The following DPEP2 variants were observed in gnomAD, a reference collection of about 807,000 sequenced individuals.
DPEP2 encodes the protein dipeptidase 2.
In DPEP2, 45 loss-of-function variants were observed where a neutral mutation model predicts 51.8. That is an observed-to-expected ratio of 0.87 (90% confidence interval 0.68 to 1.11). The LOEUF (loss-of-function observed/expected upper bound fraction) is 1.11. Ranked by LOEUF, DPEP2 falls within the 50% of genes most tolerant of loss-of-function variation. DPEP2 has a pLI of 0.00. For synonymous variants in DPEP2, 255 were observed against 262.7 expected (o/e 0.97, Z 0.28); for missense variants, 604 against 631.9 (o/e 0.96, Z 0.47).
intron 7 of DPEP2, among the ~76,000 whole-genome samples, 182 bp from the exon 8 acceptor site, chr16:67,990,313 GC>G (rs1468780327): frequency 6.6e-6 from 1 of 152,154 alleles, no homozygotes; most frequent in African/African-American, 2.4e-5. Context: ...AGGTGTCTTG[GC>G]ACTTGCTTTG....
In DPEP2 at chr16:67,987,715, G is replaced by T; in HGVS notation, c.1252C>A (p.Pro418Thr). ...CAGGAACTGCTCAGCTGCTCATCCG[G>T]GAACTTGTCCTCCAAGGGGCTTTGC... ...KWQSPLEDKFPDEQLSSSCHS... is the reference protein window; with the variant it reads ...KWQSPLEDKFTDEQLSSSCHS... The change falls in exon 11 of 11, where the codon CCG becomes ACG. Residue 418 changes from proline to threonine, a missense_variant. Coordinates refer to ENST00000393847, the MANE Select transcript of DPEP2 (RefSeq NM_022355.4). 2 of 1,614,128 alleles carry T rather than the reference G, an allele frequency of 1.2e-6. No individual in the cohort carries two copies. The highest frequency in any genetic ancestry group is 1.7e-6 in the Non-Finnish European group (2 of 1,179,970).
intron 1 of DPEP2, among the ~76,000 whole-genome samples, chr16:67,996,202 AT>A (rs562548091): frequency 0.25 from 32,301 of 130,700 alleles, 3,796 homozygotes; most frequent in African/African-American, 0.34. Context: ...ACACTCGGCT[AT>A]TTTTTTTTTT....
chr16:67,991,185 C>T lies in DPEP2; in HGVS notation c.663-1G>A, dbSNP rs774972399. On this transcript the variant is annotated splice_acceptor_variant, in intron 5 of 10. Transcript: ENST00000393847. LOFTEE classifies it high-confidence loss of function. This position sits in a 1 kb window ranked among gnomAD's most constrained non-coding sequence, Gnocchi z 5.1. ...GACGCCCTTAGCGGAGCTCTCTGCCCTGCAGGGTGGCCAGGAAGCAGTCTG... is the reference window on the plus strand; with the variant it reads ...GACGCCCTTAGCGGAGCTCTCTGCCTTGCAGGGTGGCCAGGAAGCAGTCTG... The T allele has an allele frequency of 4.3e-6, 7 of 1,612,736 alleles. No homozygotes were observed. The highest frequency in any genetic ancestry group is 5.1e-6 in the Non-Finnish European group (6 of 1,180,006).
rs2032307384 is a variant in DPEP2, at chr16:67,992,574, A to G, written c.326T>C (p.Leu109Pro). 4 of 1,614,188 alleles carry G rather than the reference A, an allele frequency of 2.5e-6. No homozygotes were observed. Among genetic ancestry groups the G allele is most frequent in the South Asian group, 1.1e-5 (1 of 91,086 alleles). The change falls in exon 3 of 11, where the codon CTG becomes CCG. Residue 109 changes from leucine to proline, a missense_variant. Physicochemically the swap from Leu to Pro is moderately conservative, Grantham distance 98. Coordinates refer to ENST00000393847, the MANE Select transcript of DPEP2 (RefSeq NM_022355.4). ...GGTCTGGCCGTAGCTGAAATTGCGC[A>G]GGTTAACATCCTGTAGCCCTTTCTG... ...VYQKGLQDVN[L>P]RNFSYGQTSL...
At chr16:67,992,720 G>T in intron 2 of DPEP2, 84 bp from the exon 3 acceptor site, 4 of 1,556,190 alleles carry the variant, frequency 2.6e-6, no homozygotes. Context: ...CACATCTGGG[G>T]ATCCCCATCC....
Position 67,993,438 on chromosome 16 carries a change from T to C in DPEP2, c.-45-181A>G. The C allele has an allele frequency of 2.4e-6, 3 of 1,254,166 alleles. No individual in the cohort carries two copies. The South Asian group carries it at 9.4e-5, about 39-fold the overall frequency. 77.7% of individuals were successfully genotyped at this position (1,254,166 alleles called of 1,614,324 possible). A position where few individuals can be genotyped will look rare whatever the true frequency, so the allele number is the denominator to read the frequency against. ...GGGGCGCCCAGCCCTCCCGCCGTCA[T>C]CCCCAAGGGCGCTCCCGCCGGCTGG... On this transcript the variant is annotated intron_variant, in intron 1 of 10. Transcript: ENST00000393847.
At position 67,992,180 on chromosome 16, in the gene DPEP2, T is replaced by C. The variant is rs1216206590; in HGVS notation, c.404A>G (p.Tyr135Cys). The change falls in exon 4 of 11, where the codon TAT becomes TGT. Residue 135 changes from tyrosine (Y) to cysteine (C), a missense_variant. Coordinates refer to ENST00000393847, the MANE Select transcript of DPEP2 (RefSeq NM_022355.4). ...CCGGTCCTGGGTCTGGCATGGCACA[T>C]AGGCTGACCAGAACTGGGGGGAAGG... ...GLVGAQFWSA[Y>C]VPCQTQDRDA... 1 of 1,614,054 alleles carries C rather than the reference T, an allele frequency of 6.2e-7. No individual in the cohort carries two copies. Among genetic ancestry groups the C allele is most frequent in the Non-Finnish European group, 8.5e-7 (1 of 1,179,972 alleles).
At chr16:67,998,497 AC>A (rs942141899) in intron 1 of DPEP2, among the ~76,000 whole-genome samples, 4 of 151,750 alleles carry the variant, frequency 2.6e-5, no homozygotes, top group African/African-American at 9.7e-5. Flanking sequence ...TGAGCCTCCC[AC>A]CCCCTCCATG....
rs768141175 is a variant in DPEP2 at position 67,990,072 on chromosome 16, TG to T, written c.968del (p.Pro323HisfsTer49). 1.2e-6 allele frequency: 2 copies of T among 1,614,188 alleles called. No individual in the cohort carries two copies. The highest frequency in any genetic ancestry group is 1.7e-6 in the Non-Finnish European group (2 of 1,180,014). On this transcript the variant is annotated frameshift_variant, in exon 8 of 11. Transcript: ENST00000393847. LOFTEE classifies it high-confidence loss of function. ...CTGCCACAGTGGACACATTGGCTGA[TG>T]GGTTGCACTGTATTACTCCCATGGA... Reference protein sequence around the residue: ...SLSMGVIQCNPSANVSTVADH... With the variant: ...SLSMGVIQCNXSANVSTVADH...
rs79122027 is a variant in DPEP2, at chr16:67,991,569, G to A, written c.662+269C>T. On this transcript the variant is annotated intron_variant, in intron 5 of 10. Transcript: ENST00000393847. The surrounding 1 kb of genome is among the most constrained non-coding windows in gnomAD (Gnocchi z 5.1). ...ATTTTTGTGTTTTTCTTCAAGATAG[G>A]GTTTCACCATCTTGGCCAGGCTGGT... The A allele has an allele frequency of 0.021, 10,976 of 531,144 alleles. 152 individuals are homozygous for A. Among genetic ancestry groups the A allele is most frequent in the Non-Finnish European group, 0.029 (8,701 of 300,476 alleles). The allele number at this position is 531,144 out of a possible 1,614,324, so 32.9% of individuals were successfully genotyped here. A position where few individuals can be genotyped will look rare whatever the true frequency, so the allele number is the denominator to read the frequency against.
chr16:67,993,096 G>A lies in DPEP2; in HGVS notation c.117C>T (p.Pro39=), dbSNP rs2151382384. ...CGCCCAGCGTGGTGAGGGCTCTGGG[G>A]GGGCCTGGCGTGGTGTAGGCACAGG... The part of the protein sequence containing the change: ...PVTCAYTTPG[P]PRALTTLGAP... The change falls in exon 2 of 11, where the codon CCC becomes CCT. Residue 39 remains proline (P), a synonymous_variant. Transcript: ENST00000393847. The A allele has an allele frequency of 2.6e-6, 4 of 1,568,240 alleles. No homozygotes were observed. The highest frequency in any genetic ancestry group is 3.5e-6 in the Non-Finnish European group (4 of 1,155,876).
At position 67,993,160 on chromosome 16, in the gene DPEP2, A is replaced by G. The variant is rs761014774; in HGVS notation, c.53T>C (p.Leu18Pro). ...CAGCAGCAGCAGGAGCAGCAGACTC[A>G]GCAGAGGCCACCGACCAAACGTGCC... ...GPGTFGRWPL[L>P]SLLLLLLLLQ... The change falls in exon 2 of 11, where the codon CTG (leucine) becomes CCG (proline). Residue 18 changes from leucine to proline, a missense_variant. By Grantham distance (98) the Leu-to-Pro change is moderately conservative. Coordinates refer to ENST00000393847, the MANE Select transcript of DPEP2 (RefSeq NM_022355.4). The G allele has an allele frequency of 1.4e-5, 21 of 1,519,188 alleles. No individual in the cohort carries two copies. Among genetic ancestry groups the G allele is most frequent in the Non-Finnish European group, 1.5e-5 (17 of 1,129,916 alleles). The allele number at this position is 1,519,188 out of a possible 1,614,324, so 94.1% of individuals were successfully genotyped here. A position where few individuals can be genotyped will look rare whatever the true frequency, so the allele number is the denominator to read the frequency against.
Position 67,989,353 on chromosome 16 carries a change from C to A in DPEP2, c.1040G>T (p.Gly347Val). The part of the protein sequence containing the change: ...IKAVIGSKFI[G>V]IGGDYDGAGK... ...GGCCCCATCATAATCTCCACCAATC[C>A]CGATGAACTTGGATCCAATGACAGC... The change falls in exon 9 of 11, where the codon GGG becomes GTG. Residue 347 changes from glycine (G) to valine (V), a missense_variant. Gly to Val is a moderately radical substitution (Grantham distance 109). Transcript: ENST00000393847. The A allele has an allele frequency of 1.2e-6, 2 of 1,614,170 alleles. No homozygotes were observed. Among genetic ancestry groups the A allele is most frequent in the Non-Finnish European group, 1.7e-6 (2 of 1,180,026 alleles).
At chr16:67,988,066 C>A (rs2031632260) in intron 9 of DPEP2, 79 bp from the exon 10 acceptor site, 2 of 1,589,580 alleles carry the variant, frequency 1.3e-6, no homozygotes, top group South Asian at 1.1e-5. Flanking sequence ...GTCTATGAAA[C>A]CCCAGCCCTG....
At position 67,991,154 on chromosome 16, in the gene DPEP2, G is replaced by C. The variant is rs1236824294; in HGVS notation, c.693C>G (p.Ser231=). ...TCAGCCCGCTGATGTTGTTGTAGAA[G>C]GAGTGGACGCCCTTAGCGGAGCTCT... ...WAESSAKGVH[S]FYNNISGLTD... The change falls in exon 6 of 11, where the codon TCC becomes TCG. Residue 231 remains serine (S), a synonymous_variant. Transcript: ENST00000393847. The surrounding 1 kb of genome is among the most constrained non-coding windows in gnomAD (Gnocchi z 5.1). The C allele has an allele frequency of 6.2e-7, 1 of 1,613,848 alleles. No individual in the cohort carries two copies. The highest frequency in any genetic ancestry group is 1.7e-4 in the Middle Eastern group (1 of 5,784).
At chr16:67,989,247 C>T (rs758508734) in intron 9 of DPEP2, 76 bp downstream of exon 9, 50 of 1,520,130 alleles carry the variant, frequency 3.3e-5, no homozygotes, top group Non-Finnish European at 4.3e-5. Context: ...GCCTAAAGGA[C>T]GTGATGGCTA....
chr16:67,989,186 A>G, intron 9 of DPEP2, 137 bp downstream of exon 9: 2 of 921,984 alleles, frequency 2.2e-6, no homozygotes, highest in Non-Finnish European at 1.7e-6. Context: ...GGTCACTGGG[A>G]TGAAGACAAA....
intron 1 of DPEP2, among the ~76,000 whole-genome samples, chr16:67,997,275 C>T (rs1365371235): frequency 1.3e-5 from 2 of 151,862 alleles, no homozygotes; most frequent in African/African-American, 2.4e-5. Context: ...TCAGGTGATC[C>T]GCCTGCCTTG....
In DPEP2 at chr16:67,990,800, C is replaced by T. The variant is rs777902059; in HGVS notation, c.909+21G>A. 2.2e-5 allele frequency: 36 copies of T among 1,603,294 alleles called. 1 individual carries two copies. In the South Asian group the frequency reaches 4.0e-4, roughly 18 times the overall value. On this transcript the variant is annotated intron_variant, in intron 7 of 10. Transcript: ENST00000393847. ...GGTTTGAACCTCTTGCTTTAGGTTC[C>T]TGGGCTGGGCAGTTTCTCACCAGAA...
Sources: gnomAD v4.1 joint callset for allele counts (sites outside exome capture counted in the v4.1 genomes callset) on GRCh38, gnomAD v4.1.1 for gene constraint, Gnocchi (gnomAD v3.1) non-coding constraint, MANE v1.5 for transcripts, NCBI Gene and HGNC (gene_info 2026-07-23, HGNC 2026-07-21) for gene names.